Variants in CACNG5 observed in about 807,000 individuals in gnomAD.
CACNG5 encodes calcium voltage-gated channel auxiliary subunit gamma 5.
Under a neutral mutation model 24.8 loss-of-function variants are expected in CACNG5, and 18 were observed. The ratio of observed to expected loss-of-function variants is 0.73; its 90% CI spans 0.50 to 1.08. The LOEUF (loss-of-function observed/expected upper bound fraction) is 1.08. Ranked by LOEUF, CACNG5 falls within the 50% of genes least tolerant of loss-of-function variation. The pLI is 0.00. For missense variants in CACNG5, 349 were observed against 367.9 expected, an observed-to-expected ratio of 0.95 and a Z score of 0.42; for synonymous variants, 157 against 149.1, an observed-to-expected ratio of 1.05 and a Z score of -0.39.
rs71160595 is a variant in CACNG5 at position 66,838,960 on chromosome 17, C to CTTTTTTTTTTTTTTTTTTTTTTTT, written c.-104+3729_-104+3730insTTTTTTTTTTTTTTTTTTTTTTTT. On this transcript the variant is annotated intron_variant, in intron 1 of 5. Coordinates refer to ENST00000533854, the MANE Select transcript of CACNG5 (RefSeq NM_145811.3). The stretch of plus-strand genomic sequence containing the variant: ...GTAGCACCCCAGTCCCTCACCCATT[C>CTTTTTTTTTTTTTTTTTTTTTTTT]TTTTTTTTTTTTTTTTTTTGAGACA... Among the ~76,000 whole-genome samples, 4 of 88,092 alleles carry CTTTTTTTTTTTTTTTTTTTTTTTT rather than the reference C, an allele frequency of 4.5e-5. 1 individual carries two copies. Among genetic ancestry groups the CTTTTTTTTTTTTTTTTTTTTTTTT allele is most frequent in the Non-Finnish European group, 8.5e-5 (4 of 47,304 alleles). 57.8% of individuals were successfully genotyped at this position (88,092 alleles called of 152,430 possible).
intron 1 of CACNG5, among the ~76,000 whole-genome samples, chr17:66,855,386 G>A (rs79321650): frequency 6.6e-6 from 1 of 152,138 alleles, no homozygotes; most frequent in South Asian, 2.1e-4. Flanking sequence ...TCTCTGGGCC[G>A]CACCACCATG....
intron 1 of CACNG5, among the ~76,000 whole-genome samples, chr17:66,837,658 G>C (rs991435059): frequency 1.3e-5 from 2 of 152,232 alleles, no homozygotes; most frequent in African/African-American, 4.8e-5. Flanking sequence ...GTGGTTCATA[G>C]TCTCATGTCA....
At chr17:66,846,578 A>G (rs1976640748) in intron 1 of CACNG5, among the ~76,000 whole-genome samples, 1 of 152,164 alleles carries the variant, frequency 6.6e-6, no homozygotes, top group Admixed American at 6.5e-5. Context: ...CTTCCATTTT[A>G]TGGCTGGATA....
Position 66,892,860 on chromosome 17 carries a change from T to C in CACNG5, c.*7620T>C, listed in dbSNP as rs7210367. ...CAATTCTGGAGAGCATCCTACAAGG[T>C]CTGTTTACAGGCTTGGGATTCACCC... On this transcript the variant is annotated 3_prime_UTR_variant, in exon 6 of 6. Transcript: ENST00000533854. Among the ~76,000 whole-genome samples the C allele has an allele frequency of 0.03, 4,512 of 152,278 alleles. 231 individuals are homozygous for C. The highest frequency in any genetic ancestry group is 0.1 in the African/African-American group (4,306 of 41,532).
intron 1 of CACNG5, among the ~76,000 whole-genome samples, chr17:66,869,938 CG>C (rs1568069101): frequency 6.6e-6 from 1 of 151,934 alleles, no homozygotes; most frequent in African/African-American, 2.4e-5. Flanking sequence ...AAAAACTTAG[CG>C]GGGCGTGGTG....
In CACNG5 at chr17:66,894,579, G is replaced by A. The variant is rs1445730970; in HGVS notation, c.*9339G>A. On this transcript the variant is annotated 3_prime_UTR_variant, in exon 6 of 6. Coordinates refer to ENST00000533854, the MANE Select transcript of CACNG5 (RefSeq NM_145811.3). Reference sequence around the variant, plus strand: ...GTGCAGCCATTATTGGTTCACATAAGGCCTGGCTCTTGATTTTTTATTCAT... The same window carrying A: ...GTGCAGCCATTATTGGTTCACATAAAGCCTGGCTCTTGATTTTTTATTCAT... 6.6e-6 allele frequency among the ~76,000 whole-genome samples: 1 copy of A among 151,996 alleles called. No individual in the cohort carries two copies. The highest frequency in any genetic ancestry group is 1.5e-5 in the Non-Finnish European group (1 of 68,006).
chr17:66,877,609 C>G, intron 2 of CACNG5, 81 bp downstream of exon 2: 1 of 1,204,076 alleles, frequency 8.3e-7, no homozygotes, highest in South Asian at 1.4e-5. Flanking sequence ...AAGAGATGGC[C>G]AAGAGATGCT....
chr17:66,860,134 G>A (rs1976833624), intron 1 of CACNG5, among the ~76,000 whole-genome samples: 1 of 152,124 alleles, frequency 6.6e-6, no homozygotes, highest in Non-Finnish European at 1.5e-5. Context: ...GCTTACCTAT[G>A]CAACCCCACG....
chr17:66,879,941 C>T (rs1018487389), intron 3 of CACNG5, among the ~76,000 whole-genome samples: 1 of 152,104 alleles, frequency 6.6e-6, no homozygotes, highest in Non-Finnish European at 1.5e-5. Flanking sequence ...GTGTTTCTAG[C>T]CCCCATCCTG....
intron 1 of CACNG5, among the ~76,000 whole-genome samples, chr17:66,844,039 G>A (rs1976603446): frequency 6.6e-6 from 1 of 152,154 alleles, no homozygotes; most frequent in African/African-American, 2.4e-5. Context: ...GATCTGTGCT[G>A]TCCCTTCCAG....
chr17:66,853,115 C>A (rs1213387154), intron 1 of CACNG5, among the ~76,000 whole-genome samples: 1 of 152,168 alleles, frequency 6.6e-6, no homozygotes, highest in Non-Finnish European at 1.5e-5. Context: ...GTGTGAGCAA[C>A]CATGCCCAGC....
In CACNG5 at chr17:66,874,850, C is replaced by T. The variant is rs143221298; in HGVS notation, c.-103-2380C>T. Among the ~76,000 whole-genome samples, 1,160 of 152,294 alleles carry T rather than the reference C, an allele frequency of 7.6e-3. 5 individuals are homozygous for T. The highest frequency in any genetic ancestry group is 0.014 in the Middle Eastern group (4 of 294). The stretch of plus-strand genomic sequence containing the variant: ...CATATCCCTTTGTTCTCCACTGCTC[C>T]CCTTACTCCTGCTAACCATCCTTGG... On this transcript the variant is annotated intron_variant, in intron 1 of 5. Transcript: ENST00000533854.
chr17:66,850,599 T>TAC (rs56797058), intron 1 of CACNG5, among the ~76,000 whole-genome samples: 1,502 of 142,404 alleles, frequency 0.011, 22 homozygotes, highest in African/African-American at 0.038. Context: ...CACAAATACA[T>TAC]ACACACACAC....
chr17:66,869,756 G>T (rs537521055), intron 1 of CACNG5, among the ~76,000 whole-genome samples: 14 of 152,256 alleles, frequency 9.2e-5, no homozygotes, highest in Non-Finnish European at 1.5e-4. Context: ...AGTTATTTTG[G>T]TAACTTCTGT....
rs1204094050 is a variant in CACNG5 at position 66,889,732 on chromosome 17, AG to A, written c.*4493del. ...CAGCCTTTGTTCTATTCAGGCTTTC[AG>A]TGCAGTGGTTGAGGCCCACCGACGT... On this transcript the variant is annotated 3_prime_UTR_variant, in exon 6 of 6. Coordinates refer to ENST00000533854, the MANE Select transcript of CACNG5 (RefSeq NM_145811.3). 6.6e-6 allele frequency among the ~76,000 whole-genome samples: 1 copy of A among 152,174 alleles called. No individual in the cohort carries two copies. Among genetic ancestry groups the A allele is most frequent in the Admixed American group, 6.5e-5 (1 of 15,278 alleles).
chr17:66,847,924 G>A (rs970597302), intron 1 of CACNG5, among the ~76,000 whole-genome samples: 1 of 152,224 alleles, frequency 6.6e-6, no homozygotes, highest in African/African-American at 2.4e-5. Flanking sequence ...AGGGCACAAG[G>A]CATGTCTCTG....
rs755210743 is a variant in CACNG5, at chr17:66,884,974, T to TCCCTGTA, written c.571-8_571-2dup. ...AGCGAGCCCATCCTCTGCTGTCTTC[T>TCCCTGTA]CCCTGTAGAGTGCCGGGGTGATGTC... On this transcript the variant is annotated splice_polypyrimidine_tract_variant and intron_variant, in intron 5 of 5. Transcript: ENST00000533854. 2 of 1,614,018 alleles carry TCCCTGTA rather than the reference T, an allele frequency of 1.2e-6. No individual in the cohort carries two copies. The highest frequency in any genetic ancestry group is 2.2e-5 in the South Asian group (2 of 91,076).
intron 1 of CACNG5, among the ~76,000 whole-genome samples, chr17:66,857,338 G>C (rs1167344375): frequency 1.3e-5 from 2 of 152,010 alleles, no homozygotes; most frequent in African/African-American, 4.8e-5. Flanking sequence ...GAGCCACCTT[G>C]CCTGGCCTGA....
intron 1 of CACNG5, among the ~76,000 whole-genome samples, chr17:66,872,859 G>T (rs1977028868): frequency 6.6e-6 from 1 of 152,178 alleles, no homozygotes; most frequent in Non-Finnish European, 1.5e-5. Context: ...GCCTTTATGT[G>T]ACACTTGGCC....
Sources: allele counts gnomAD v4.1 joint callset (sites outside exome capture counted in the v4.1 genomes callset), GRCh38; gene constraint gnomAD v4.1.1; transcripts MANE v1.5; gene names NCBI Gene and HGNC (gene_info 2026-07-23, HGNC 2026-07-21).